CADM1: variants seen among roughly 807,000 people sequenced by gnomAD.
CADM1 encodes the protein TSLC-1.
CADM1 carries 15 observed loss-of-function variants against 53.1 expected under a neutral mutation model. The ratio of observed to expected loss-of-function variants is 0.28; its 90% CI spans 0.19 to 0.44. The LOEUF (loss-of-function observed/expected upper bound fraction) is 0.44, where lower values mean the gene tolerates loss of function less well. CADM1 is among the 20% of genes least tolerant of loss of function. The pLI is 1.00. For synonymous variants in CADM1, 281 were observed against 243.0 expected, an observed-to-expected ratio of 1.16 and a Z score of -1.45; for missense variants, 434 against 611.3, an observed-to-expected ratio of 0.71 and a Z score of 3.06.
At chr11:115,325,385 C>T (rs1245370280) in intron 1 of CADM1, among the ~76,000 whole-genome samples, 1 of 152,102 alleles carries the variant, frequency 6.6e-6, no homozygotes, top group Non-Finnish European at 1.5e-5. Context: ...AGCAGGAAAG[C>T]AGGGTGCTTG....
chr11:115,248,588 GATA>G (rs1412312773), intron 1 of CADM1, among the ~76,000 whole-genome samples: 13 of 152,292 alleles, frequency 8.5e-5, no homozygotes, highest in African/African-American at 2.9e-4. Context: ...AACCATAAAA[GATA>G]ATAATAATCA....
At chr11:115,468,220 T>C (rs977149782) in intron 1 of CADM1, among the ~76,000 whole-genome samples, 1 of 152,132 alleles carries the variant, frequency 6.6e-6, no homozygotes, top group African/African-American at 2.4e-5. Context: ...ACATGTTCAT[T>C]GGGGGAAAAA....
intron 1 of CADM1, among the ~76,000 whole-genome samples, chr11:115,456,560 C>CTTAG (rs1948687935): frequency 6.6e-6 from 1 of 152,018 alleles, no homozygotes; most frequent in South Asian, 2.1e-4. Context: ...TCATTAAAGG[C>CTTAG]TTAGCACTTG....
chr11:115,207,365 T>A (rs1467675385), intron 8 of CADM1: 3 of 152,094 alleles, frequency 2.0e-5, no homozygotes, highest in African/African-American at 7.2e-5. Flanking sequence ...AGAGGTACCT[T>A]TGATGTGGAC....
intron 1 of CADM1, among the ~76,000 whole-genome samples, chr11:115,368,570 T>C (rs1946230743): frequency 6.6e-6 from 1 of 152,184 alleles, no homozygotes; most frequent in Non-Finnish European, 1.5e-5. Context: ...TTTTGAATGA[T>C]AATGTTCTGT....
At chr11:115,409,402 G>GTTTTT (rs999704620) in intron 1 of CADM1, among the ~76,000 whole-genome samples, 1 of 151,652 alleles carries the variant, frequency 6.6e-6, no homozygotes, top group Non-Finnish European at 1.5e-5. Context: ...CTTATTTTTC[G>GTTTTT]TTTTTTTTGT....
At chr11:115,226,299 A>G (rs1941605231) in intron 5 of CADM1, among the ~76,000 whole-genome samples, 1 of 152,248 alleles carries the variant, frequency 6.6e-6, no homozygotes, top group African/African-American at 2.4e-5. Context: ...TGATGCATGA[A>G]CATGGCAAAT....
At chr11:115,350,013 C>G (rs1017609911) in intron 1 of CADM1, among the ~76,000 whole-genome samples, 1 of 151,940 alleles carries the variant, frequency 6.6e-6, no homozygotes, top group Non-Finnish European at 1.5e-5. Flanking sequence ...CTCTTGTGGC[C>G]CAGGCTGGAG....
chr11:115,445,940 C>A, intron 1 of CADM1: 1 of 239,956 alleles, frequency 4.2e-6, no homozygotes, highest in Non-Finnish European at 8.4e-6. Flanking sequence ...AATAGATAAA[C>A]TCCAGGGTGA....
At chr11:115,200,481 T>C (rs2134688252) in intron 8 of CADM1, among the ~76,000 whole-genome samples, 1 of 152,330 alleles carries the variant, frequency 6.6e-6, no homozygotes, top group Non-Finnish European at 1.5e-5. Flanking sequence ...GTAGCTCTTC[T>C]AATGTGCTTT....
intron 1 of CADM1, among the ~76,000 whole-genome samples, chr11:115,282,004 C>T (rs1157539960): frequency 6.6e-6 from 1 of 152,134 alleles, no homozygotes; most frequent in Non-Finnish European, 1.5e-5. Flanking sequence ...CAAAGACACA[C>T]AAGCCATCCA....
intron 7 of CADM1, among the ~76,000 whole-genome samples, chr11:115,210,410 C>A (rs1300769371): frequency 6.6e-6 from 1 of 152,136 alleles, no homozygotes; most frequent in South Asian, 2.1e-4. Flanking sequence ...TGAGACTCGA[C>A]CTTCAAAGCC....
chr11:115,476,603 T>C (rs961347992), intron 1 of CADM1, among the ~76,000 whole-genome samples: 3 of 152,172 alleles, frequency 2.0e-5, no homozygotes, highest in Admixed American at 6.5e-5. Context: ...AAACATTCTG[T>C]AGGGCATAAT....
chr11:115,186,772 TC>T (rs1255574205), intron 10 of CADM1, among the ~76,000 whole-genome samples: 2 of 152,228 alleles, frequency 1.3e-5, no homozygotes, highest in Non-Finnish European at 2.9e-5. Context: ...TAAACTGACC[TC>T]CACCTTCTTC....
intron 1 of CADM1, among the ~76,000 whole-genome samples, chr11:115,341,624 A>C (rs1440641427): frequency 6.6e-6 from 1 of 152,218 alleles, no homozygotes; most frequent in Non-Finnish European, 1.5e-5. Context: ...TGACCTAGAA[A>C]TAACATACAA....
Position 115,175,194 on chromosome 11 carries a change from G to A in CADM1, c.*1280C>T, listed in dbSNP as rs1186943129. ...CTCTGACCTATCGAGAACTGAGAGC[G>A]ACAGCAGACCAGTGTGAGAACAATA... On this transcript the variant is annotated 3_prime_UTR_variant, in exon 12 of 12. Transcript: ENST00000331581. The A allele has an allele frequency of 2.0e-6, 2 of 985,782 alleles. No homozygotes were observed. Among genetic ancestry groups the A allele is most frequent in the East Asian group, 1.1e-4 (1 of 8,818 alleles). The allele number at this position is 985,782 out of a possible 1,614,324, so 61.1% of individuals were successfully genotyped here. A position where few individuals can be genotyped will look rare whatever the true frequency, so the allele number is the denominator to read the frequency against.
intron 1 of CADM1, among the ~76,000 whole-genome samples, chr11:115,370,944 G>A (rs1310329098): frequency 6.6e-6 from 1 of 152,116 alleles, no homozygotes; most frequent in Non-Finnish European, 1.5e-5. Context: ...GAAGTTAACA[G>A]GGACAAGATT....
intron 1 of CADM1, among the ~76,000 whole-genome samples, chr11:115,340,764 C>A (rs1290681008): frequency 6.9e-6 from 1 of 145,916 alleles, no homozygotes; most frequent in East Asian, 2.1e-4. Flanking sequence ...GGGTTCAAGA[C>A]ATTCTGGTGC....
chr11:115,311,843 G>A (rs972355941), intron 1 of CADM1, among the ~76,000 whole-genome samples: 9 of 152,116 alleles, frequency 5.9e-5, no homozygotes, highest in African/African-American at 1.9e-4. Flanking sequence ...CAGATGAGCA[G>A]TGATGGGCAA....
Sources: allele counts gnomAD v4.1 joint callset (sites outside exome capture counted in the v4.1 genomes callset), GRCh38; gene constraint gnomAD v4.1.1; transcripts MANE v1.5; gene names NCBI Gene and HGNC (gene_info 2026-07-23, HGNC 2026-07-21).